Variants in CREB5 observed in about 807,000 individuals in gnomAD.
The protein encoded by CREB5 is cyclic AMP-responsive element-binding protein 5.
A neutral mutation model predicts 57.1 loss-of-function variants in CREB5; 19 were observed. That is an observed-to-expected ratio of 0.33 (90% CI 0.23 to 0.49). The LOEUF is 0.49. CREB5 is among the 20% of genes least tolerant of loss of function. The pLI is 0.99. For synonymous variants in CREB5, 238 were observed against 238.3 expected, an observed-to-expected ratio of 1.00 and a Z score of 0.01; for missense variants, 579 against 671.6, an observed-to-expected ratio of 0.86 and a Z score of 1.52.
At chr7:28,694,262 G>C (rs1409009600) in intron 5 of CREB5, among the ~76,000 whole-genome samples, 1 of 152,150 alleles carries the variant, frequency 6.6e-6, no homozygotes. Flanking sequence ...AACCCATTTA[G>C]TGTAAATGTA....
chr7:28,551,874 C>CTTTCT (rs1554342225), intron 4 of CREB5, among the ~76,000 whole-genome samples: 11 of 139,174 alleles, frequency 7.9e-5, no homozygotes, highest in South Asian at 2.2e-4. Flanking sequence ...CTTTCTTTTT[C>CTTTCT]TTTCTTTCTT....
At chr7:28,382,693 T>G (rs1786989806) in intron 1 of CREB5, among the ~76,000 whole-genome samples, 1 of 151,990 alleles carries the variant, frequency 6.6e-6, no homozygotes, top group South Asian at 2.1e-4. Context: ...ACAGTACTCA[T>G]TTACAATTGC....
At chr7:28,751,431 A>G (rs1306972874) in intron 7 of CREB5, among the ~76,000 whole-genome samples, 1 of 152,230 alleles carries the variant, frequency 6.6e-6, no homozygotes, top group East Asian at 1.9e-4. Context: ...CAGCAAAGAC[A>G]GGTTAAATTC....
chr7:28,482,117 T>G (rs1791357051), intron 1 of CREB5, among the ~76,000 whole-genome samples: 1 of 152,240 alleles, frequency 6.6e-6, no homozygotes, highest in African/African-American at 2.4e-5. Context: ...AGTGTTTTAC[T>G]ACAATGGCAC....
chr7:28,694,003 C>T (rs1461897410), intron 5 of CREB5, among the ~76,000 whole-genome samples: 1 of 152,094 alleles, frequency 6.6e-6, no homozygotes, highest in African/African-American at 2.4e-5. Context: ...GGTCAGAAAA[C>T]GAGGTTTCAG....
At chr7:28,580,931 T>G (rs188269999) in intron 5 of CREB5, among the ~76,000 whole-genome samples, 1 of 152,332 alleles carries the variant, frequency 6.6e-6, no homozygotes, top group East Asian at 1.9e-4. Flanking sequence ...CCAGCATGAA[T>G]GAGTGCTGGT....
intron 7 of CREB5, among the ~76,000 whole-genome samples, chr7:28,781,052 G>A (rs1039327977): frequency 2.6e-5 from 4 of 152,140 alleles, no homozygotes; most frequent in Non-Finnish European, 5.9e-5. Flanking sequence ...AGTGCATCTC[G>A]AAGCATTTTG....
chr7:28,686,163 T>G, intron 5 of CREB5: 2 of 1,613,832 alleles, frequency 1.2e-6, no homozygotes, highest in Non-Finnish European at 1.7e-6. Flanking sequence ...GTTCTGCACC[T>G]CAGGAGGGAA....
chr7:28,365,750 C>T (rs924051895), intron 1 of CREB5, among the ~76,000 whole-genome samples: 1 of 152,324 alleles, frequency 6.6e-6, no homozygotes, highest in East Asian at 1.9e-4. Context: ...CCCATTTTAC[C>T]TCTCAGCAAC....
chr7:28,475,786 C>G (rs763501282), intron 1 of CREB5, among the ~76,000 whole-genome samples: 2 of 152,066 alleles, frequency 1.3e-5, no homozygotes, highest in Admixed American at 6.5e-5. Context: ...CATATGGGGA[C>G]GTGGCCTTGC....
At chr7:28,564,021 C>T (rs575821363) in intron 4 of CREB5, among the ~76,000 whole-genome samples, 3 of 152,188 alleles carry the variant, frequency 2.0e-5, no homozygotes, top group Non-Finnish European at 2.9e-5. Context: ...GGAATCAGGG[C>T]TCTTTAACAT....
chr7:28,439,121 G>T (rs568382522), intron 1 of CREB5, among the ~76,000 whole-genome samples: 1 of 152,090 alleles, frequency 6.6e-6, no homozygotes, highest in Non-Finnish European at 1.5e-5. Context: ...GACCCTTCAT[G>T]TGATGCTTTA....
At chr7:28,710,668 A>G (rs569138632) in intron 5 of CREB5, among the ~76,000 whole-genome samples, 1 of 152,304 alleles carries the variant, frequency 6.6e-6, no homozygotes, top group South Asian at 2.1e-4. Context: ...GGAAGCTGAA[A>G]TGGTCCCTTC....
At chr7:28,814,742 G>A (rs1302047418) in intron 9 of CREB5, among the ~76,000 whole-genome samples, 1 of 152,118 alleles carries the variant, frequency 6.6e-6, no homozygotes, top group Admixed American at 6.5e-5. Flanking sequence ...GGCAGCTTGG[G>A]AACTCAAACC....
intron 1 of CREB5, among the ~76,000 whole-genome samples, chr7:28,470,855 G>A (rs1213204438): frequency 6.6e-6 from 1 of 151,968 alleles, no homozygotes; most frequent in East Asian, 1.9e-4. Context: ...TTCATATGTC[G>A]GTTTGCTATT....
intron 4 of CREB5, among the ~76,000 whole-genome samples, chr7:28,560,877 T>TGCGTGTGTGCGCGTGTGCGC (rs1554344365): frequency 9.7e-5 from 3 of 30,860 alleles, no homozygotes; most frequent in Non-Finnish European, 1.7e-4. Flanking sequence ...TGCGTGCGCG[T>TGCGTGTGTGCGCGTGTGCGC]GCGTGCGTGC....
intron 1 of CREB5, among the ~76,000 whole-genome samples, chr7:28,357,276 C>G (rs948568601): frequency 6.6e-6 from 1 of 152,178 alleles, no homozygotes; most frequent in African/African-American, 2.4e-5. Flanking sequence ...AAGCAGCTTC[C>G]TCTGGGAATA....
intron 5 of CREB5, among the ~76,000 whole-genome samples, chr7:28,634,748 A>G (rs1011854324): frequency 2.0e-5 from 3 of 152,088 alleles, no homozygotes; most frequent in African/African-American, 7.2e-5. Flanking sequence ...CTTACTTTCT[A>G]GCTCTGGTCC....
At chr7:28,394,628 T>C (rs939508506) in intron 1 of CREB5, among the ~76,000 whole-genome samples, 6 of 152,164 alleles carry the variant, frequency 3.9e-5, no homozygotes, top group South Asian at 2.1e-4. Context: ...TTTTTCCTCA[T>C]ATATAATTTA....
Sources: allele counts gnomAD v4.1 joint callset (sites outside exome capture counted in the v4.1 genomes callset), GRCh38; gene constraint gnomAD v4.1.1; transcripts MANE v1.5; gene names NCBI Gene and HGNC (gene_info 2026-07-23, HGNC 2026-07-21).